The following CCDC88A variants were observed in gnomAD, a reference collection of about 807,000 sequenced individuals.
CCDC88A encodes the protein coiled-coil and HOOK domain protein 88A, also known as girdin.
Under a neutral mutation model 234.3 loss-of-function variants are expected in CCDC88A, and 54 were observed. That is an observed-to-expected ratio of 0.23 (90% CI 0.19 to 0.29). CCDC88A has a LOEUF of 0.29. Among genes scored for constraint, CCDC88A ranks in the 10% least tolerant of loss-of-function variants. The probability of loss-of-function intolerance (pLI) is 1.00; values close to 1 mark genes in which losing one functional copy is unlikely to be tolerated. For missense variants in CCDC88A, 1,832 were observed against 2,123.4 expected, an observed-to-expected ratio of 0.86 and a Z score of 2.70; for synonymous variants, 753 against 737.8, an observed-to-expected ratio of 1.02 and a Z score of -0.33.
intron 3 of CCDC88A, among the ~76,000 whole-genome samples, chr2:55,385,989 C>A (rs1280824148): frequency 6.7e-6 from 1 of 149,778 alleles, no homozygotes; most frequent in Non-Finnish European, 1.5e-5. Flanking sequence ...TTTGGGAGGC[C>A]GAGGCAGGCG....
intron 2 of CCDC88A, among the ~76,000 whole-genome samples, chr2:55,408,319 T>C (rs961137559): frequency 2.0e-5 from 3 of 152,042 alleles, no homozygotes; most frequent in Admixed American, 6.6e-5. Flanking sequence ...TCAGAGGCGT[T>C]TGAACCAGAG....
chr2:55,307,115 G>C lies in CCDC88A; in HGVS notation c.4387+1694C>G, dbSNP rs140474042. Among the ~76,000 whole-genome samples the C allele has an allele frequency of 3.7e-3, 557 of 152,172 alleles. 2 individuals are homozygous for C. The highest frequency in any genetic ancestry group is 9.6e-3 in the African/African-American group (397 of 41,514). On this transcript the variant is annotated intron_variant, in intron 25 of 32. Transcript: ENST00000436346. ...TAGTGATAGTGTGAGAGGATTCAAA[G>C]TATCCTGTTCACATATTTTGTAAGA...
intron 29 of CCDC88A, among the ~76,000 whole-genome samples, chr2:55,298,722 A>T (rs933676129): frequency 6.6e-5 from 10 of 151,900 alleles, no homozygotes; most frequent in Non-Finnish European, 1.0e-4. Flanking sequence ...AATACAAAAA[A>T]ACTAGCTGGG....
chr2:55,326,422 C>T (rs192608220), intron 17 of CCDC88A, among the ~76,000 whole-genome samples: 56 of 152,228 alleles, frequency 3.7e-4, no homozygotes, highest in Admixed American at 2.8e-3. Flanking sequence ...TTATACTATT[C>T]GTATTTAACT....
chr2:55,369,318 C>T (rs905456637), intron 5 of CCDC88A, among the ~76,000 whole-genome samples: 1 of 152,072 alleles, frequency 6.6e-6, no homozygotes, highest in African/African-American at 2.4e-5. Context: ...CAGGTGTGAG[C>T]CACCATGTCT....
intron 26 of CCDC88A, 87 bp downstream of exon 26, chr2:55,302,982 G>T: frequency 1.2e-6 from 1 of 868,978 alleles, no homozygotes; most frequent in Non-Finnish European, 1.9e-6. Context: ...AAGGAAATTG[G>T]CACAGTCCAG....
chr2:55,339,289 A>C, intron 13 of CCDC88A, 175 bp downstream of exon 13: 2 of 602,436 alleles, frequency 3.3e-6, no homozygotes, highest in African/African-American at 2.0e-5. Context: ...TAATTGCTGA[A>C]GCTGAATAAT....
At chr2:55,370,364 G>C (rs1347224883) in intron 5 of CCDC88A, among the ~76,000 whole-genome samples, 2 of 151,998 alleles carry the variant, frequency 1.3e-5, no homozygotes, top group African/African-American at 4.8e-5. Flanking sequence ...AAATTAGGCC[G>C]GGCATGATGA....
Position 55,344,372 on chromosome 2 carries a change from T to A in CCDC88A, c.1184A>T (p.Glu395Val). 1 of 1,571,020 alleles carries A rather than the reference T, an allele frequency of 6.4e-7. No individual in the cohort carries two copies. Among genetic ancestry groups the A allele is most frequent in the Non-Finnish European group, 8.6e-7 (1 of 1,159,350 alleles). The change falls in exon 11 of 33, where the codon GAA (glutamate) becomes GTA (valine). Residue 395 changes from glutamate (E) to valine (V), a missense_variant. Physicochemically the swap from Glu to Val is moderately radical, Grantham distance 121 (BLOSUM62 -2). Coordinates refer to ENST00000436346, the MANE Select transcript of CCDC88A (RefSeq NM_001365480.1). ...LQLKAKLHDM[E>V]MERDMDRKKI... ...GATCTACCTCTTAAAACTTACCATT[T>A]CCATATCATGAAGTTTAGCTTTCAG...
intron 3 of CCDC88A, among the ~76,000 whole-genome samples, chr2:55,385,294 G>A (rs1558790657): frequency 6.6e-6 from 1 of 152,092 alleles, no homozygotes; most frequent in Middle Eastern, 3.4e-3. Context: ...AAAATGAAAA[G>A]GTAATGTAAA....
At chr2:55,304,880 C>T in intron 25 of CCDC88A, among the ~76,000 whole-genome samples, 1 of 152,304 alleles carries the variant, frequency 6.6e-6, no homozygotes, top group East Asian at 1.9e-4. Flanking sequence ...TAACTACATT[C>T]TTTCTCAGTG....
Position 55,335,370 on chromosome 2 carries a change from G to T in CCDC88A, c.1657-206C>A, listed in dbSNP as rs550829335. ...GAAGACCACTGTGTACACTTACTGTGAGGTCATTAAAGTTCATGTTTTTAG... is the reference window on the plus strand; with the variant it reads ...GAAGACCACTGTGTACACTTACTGTTAGGTCATTAAAGTTCATGTTTTTAG... On this transcript the variant is annotated intron_variant, in intron 14 of 32. Coordinates refer to ENST00000436346, the MANE Select transcript of CCDC88A (RefSeq NM_001365480.1). The surrounding 1 kb of genome is among the most constrained non-coding windows in gnomAD (Gnocchi z 4.5). 9.3e-6 allele frequency among the ~76,000 whole-genome samples: 1 copy of T among 107,904 alleles called. No individual in the cohort carries two copies. The highest frequency in any genetic ancestry group is 4.3e-5 in the African/African-American group (1 of 23,158). 70.8% of individuals were successfully genotyped at this position (107,904 alleles called of 152,430 possible).
Position 55,362,295 on chromosome 2 carries a change from G to C in CCDC88A, c.627+13C>G. Reference sequence around the variant, plus strand: ...AGCAAACTTTCACAATATACTGAAAGAATTTTACAAACCTCTGAATGTTCA... The same window carrying C: ...AGCAAACTTTCACAATATACTGAAACAATTTTACAAACCTCTGAATGTTCA... On this transcript the variant is annotated intron_variant, in intron 7 of 32. Transcript: ENST00000436346. 1 of 1,552,706 alleles carries C rather than the reference G, an allele frequency of 6.4e-7. No individual in the cohort carries two copies.
intron 29 of CCDC88A, 22 bp downstream of exon 29, chr2:55,299,817 A>G (rs763946100): frequency 4.6e-6 from 7 of 1,519,122 alleles, no homozygotes; most frequent in African/African-American, 2.7e-5. Flanking sequence ...AGAGCGCATT[A>G]ATAAATTTAC....
At chr2:55,392,050 G>C (rs1441921811) in intron 2 of CCDC88A, among the ~76,000 whole-genome samples, 2 of 152,176 alleles carry the variant, frequency 1.3e-5, no homozygotes, top group Non-Finnish European at 2.9e-5. Flanking sequence ...TGTCTGATAA[G>C]ACTGTGTTGA....
intron 2 of CCDC88A, among the ~76,000 whole-genome samples, chr2:55,396,034 A>G (rs531151978): frequency 5.3e-5 from 8 of 150,998 alleles, no homozygotes; most frequent in Admixed American, 1.3e-4. Flanking sequence ...TGAAGGAAAA[A>G]CCCTGTTTTA....
chr2:55,294,994 A>G, intron 31 of CCDC88A: 1 of 1,200,914 alleles, frequency 8.3e-7, no homozygotes, highest in South Asian at 1.6e-5. Flanking sequence ...GTTAACAGCA[A>G]CTTTTCAAAT....
chr2:55,304,698 TAG>T (rs1476576995), intron 25 of CCDC88A, among the ~76,000 whole-genome samples: 2 of 152,152 alleles, frequency 1.3e-5, no homozygotes, highest in Non-Finnish European at 2.9e-5. Context: ...CACTAAAATA[TAG>T]GAGTCATTAG....
chr2:55,298,913 C>T (rs2917774), intron 29 of CCDC88A, among the ~76,000 whole-genome samples: 132,285 of 149,194 alleles, frequency 0.89, 59,473 homozygotes, highest in East Asian at 0.97. Flanking sequence ...ACAAAAAACC[C>T]TCCAGGCCGG....
Sources: allele counts gnomAD v4.1 joint callset (sites outside exome capture counted in the v4.1 genomes callset), GRCh38; gene constraint gnomAD v4.1.1; non-coding constraint Gnocchi (gnomAD v3.1); transcripts MANE v1.5; gene names NCBI Gene and HGNC (gene_info 2026-07-23, HGNC 2026-07-21).